Variants in NCAM1 observed in about 807,000 individuals in gnomAD.
The protein encoded by NCAM1 is neural cell adhesion molecule 1, also known as antigen recognized by monoclonal antibody 5.1H11.
Under a neutral mutation model 109.8 loss-of-function variants are expected in NCAM1, and 14 were observed. The observed-to-expected ratio is 0.13, with a 90% confidence interval of 0.08 to 0.20. The LOEUF (loss-of-function observed/expected upper bound fraction) is 0.20. Among genes scored for constraint, NCAM1 ranks in the 10% least tolerant of loss-of-function variants. The probability of loss-of-function intolerance (pLI) is 1.00; values close to 1 mark genes in which losing one functional copy is unlikely to be tolerated. For synonymous variants in NCAM1, 418 were observed against 442.9 expected, an observed-to-expected ratio of 0.94 and a Z score of 0.70; for missense variants, 774 against 1,109.9, an observed-to-expected ratio of 0.70 and a Z score of 4.30.
At chr11:113,104,224 T>TG (rs1172459129) in intron 1 of NCAM1, among the ~76,000 whole-genome samples, 3 of 29,676 alleles carry the variant, frequency 1.0e-4, no homozygotes, top group African/African-American at 2.8e-4. Context: ...GGGGGCGGGG[T>TG]GGTGGTGGCG....
At chr11:113,190,810 G>C (rs1312343201) in intron 1 of NCAM1, among the ~76,000 whole-genome samples, 1 of 152,148 alleles carries the variant, frequency 6.6e-6, no homozygotes, top group Non-Finnish European at 1.5e-5. Context: ...GGTTGTGGGG[G>C]TGGGGAATGG....
chr11:113,047,269 C>A (rs371853184), intron 1 of NCAM1, among the ~76,000 whole-genome samples: 26 of 152,230 alleles, frequency 1.7e-4, no homozygotes, highest in Middle Eastern at 6.8e-3. Flanking sequence ...TGAGGAAATT[C>A]TCATCCTCCA....
chr11:113,003,211 T>C (rs928380912), intron 1 of NCAM1, among the ~76,000 whole-genome samples: 1 of 152,266 alleles, frequency 6.6e-6, no homozygotes, highest in East Asian at 1.9e-4. Flanking sequence ...TCTCTTTATG[T>C]GTCTCTCTCT....
chr11:113,124,966 G>T (rs868927662), intron 1 of NCAM1, among the ~76,000 whole-genome samples: 1 of 152,180 alleles, frequency 6.6e-6, no homozygotes, highest in Non-Finnish European at 1.5e-5. Flanking sequence ...CCATCACACT[G>T]GTGGTACCTC....
intron 15 of NCAM1, among the ~76,000 whole-genome samples, chr11:113,250,714 C>T (rs192859758): frequency 1.4e-4 from 22 of 152,306 alleles, no homozygotes; most frequent in African/African-American, 5.1e-4. Context: ...CACAGGTTTA[C>T]GCTCAGACAC....
intron 1 of NCAM1, among the ~76,000 whole-genome samples, chr11:113,097,095 A>T: frequency 6.6e-6 from 1 of 152,140 alleles, no homozygotes; most frequent in East Asian, 1.9e-4. Flanking sequence ...TCTCCATTTT[A>T]TGTGGGACCA....
chr11:113,048,994 C>T (rs1419825595), intron 1 of NCAM1, among the ~76,000 whole-genome samples: 2 of 152,130 alleles, frequency 1.3e-5, no homozygotes, highest in Admixed American at 6.5e-5. Flanking sequence ...AACCAGACCC[C>T]TACAGTTCCT....
intron 1 of NCAM1, among the ~76,000 whole-genome samples, chr11:113,174,145 A>G (rs1943078833): frequency 6.6e-6 from 1 of 152,210 alleles, no homozygotes; most frequent in Non-Finnish European, 1.5e-5. Flanking sequence ...GCAAATATAA[A>G]TATATATCCC....
intron 1 of NCAM1, among the ~76,000 whole-genome samples, chr11:112,998,899 A>G (rs1312663376): frequency 6.6e-6 from 1 of 152,184 alleles, no homozygotes; most frequent in African/African-American, 2.4e-5. Flanking sequence ...ACGTGTTTTA[A>G]AAACAAAGCT....
chr11:113,011,462 C>T (rs553109173), intron 1 of NCAM1, among the ~76,000 whole-genome samples: 3 of 146,870 alleles, frequency 2.0e-5, no homozygotes, highest in African/African-American at 7.3e-5. Context: ...ATTTATAGTC[C>T]TTTGGGTATA....
intron 1 of NCAM1, among the ~76,000 whole-genome samples, chr11:113,070,417 G>A (rs1377700382): frequency 1.3e-5 from 2 of 152,124 alleles, no homozygotes; most frequent in African/African-American, 4.8e-5. Flanking sequence ...GGAAAAAAAT[G>A]CACAGGTAGC....
intron 14 of NCAM1, chr11:113,240,696 G>T: frequency 8.3e-7 from 1 of 1,203,532 alleles, no homozygotes; most frequent in Non-Finnish European, 1.2e-6. Context: ...TCATACTGAT[G>T]CCCCAGGGTT....
At chr11:113,149,913 A>G (rs1389876930) in intron 1 of NCAM1, among the ~76,000 whole-genome samples, 1 of 152,224 alleles carries the variant, frequency 6.6e-6, no homozygotes, top group Non-Finnish European at 1.5e-5. Flanking sequence ...ATATTCTTAT[A>G]GTAGATGTGG....
At chr11:113,152,538 A>G (rs1021021403) in intron 1 of NCAM1, among the ~76,000 whole-genome samples, 1 of 152,224 alleles carries the variant, frequency 6.6e-6, no homozygotes, top group Admixed American at 6.5e-5. Flanking sequence ...CACTACCTTT[A>G]CATGCTTTTG....
rs1218971156 is a variant in NCAM1 at position 113,025,627 on chromosome 11, C to T, written c.52+63963C>T. 5.3e-5 allele frequency among the ~76,000 whole-genome samples: 8 copies of T among 151,774 alleles called. No homozygotes were observed. In the Middle Eastern group the frequency reaches 9.6e-3, roughly 181 times the overall value. On this transcript the variant is annotated intron_variant, in intron 1 of 19. Transcript: ENST00000316851. ...AGGGGGTGGGTGAACAAAGAAAGTGCCCTCTGATTCAGCCCAGGAGGCAGA... is the reference window on the plus strand; with the variant it reads ...AGGGGGTGGGTGAACAAAGAAAGTGTCCTCTGATTCAGCCCAGGAGGCAGA...
chr11:113,024,584 C>G (rs79312975), intron 1 of NCAM1, among the ~76,000 whole-genome samples: 3 of 152,094 alleles, frequency 2.0e-5, no homozygotes, highest in Non-Finnish European at 4.4e-5. Flanking sequence ...CTTATGCTGA[C>G]AAGTTGTTTG....
intron 1 of NCAM1, among the ~76,000 whole-genome samples, chr11:113,160,693 T>A (rs879955053): frequency 3.3e-5 from 5 of 152,338 alleles, no homozygotes; most frequent in Admixed American, 3.3e-4. Context: ...GTGTTCATCA[T>A]GAGCACTTAA....
intron 1 of NCAM1, among the ~76,000 whole-genome samples, chr11:113,169,312 T>C (rs1198322418): frequency 4.6e-5 from 7 of 152,244 alleles, no homozygotes; most frequent in African/African-American, 1.4e-4. Flanking sequence ...GGTTGAACTC[T>C]CCCCAATGTA....
At chr11:112,981,319 T>G (rs1951150260) in intron 1 of NCAM1, among the ~76,000 whole-genome samples, 1 of 151,956 alleles carries the variant, frequency 6.6e-6, no homozygotes, top group South Asian at 2.1e-4. Flanking sequence ...CGGTACACAA[T>G]AGATACGGTT....
Sources: allele counts gnomAD v4.1 joint callset (sites outside exome capture counted in the v4.1 genomes callset), GRCh38; gene constraint gnomAD v4.1.1; transcripts MANE v1.5; gene names NCBI Gene and HGNC (gene_info 2026-07-23, HGNC 2026-07-21).